Variants in WDTC1 observed in about 807,000 individuals in gnomAD.
WDTC1 encodes the protein WD and tetratricopeptide repeats protein 1.
WDTC1 carries 12 observed loss-of-function variants against 76.0 expected under a neutral mutation model. That is an observed-to-expected ratio of 0.16 (90% CI 0.10 to 0.26). The LOEUF (loss-of-function observed/expected upper bound fraction) is 0.26. Ranked by LOEUF, WDTC1 falls within the 10% of genes least tolerant of loss-of-function variation. The pLI, the probability that WDTC1 is intolerant of heterozygous loss-of-function variation, is 1.00. For missense variants in WDTC1, 511 were observed against 908.8 expected (o/e 0.56, Z 5.63); for synonymous variants, 326 against 350.8 (o/e 0.93, Z 0.79).
At chr1:27,282,413 CCGTTCTT>C in intron 4 of WDTC1, 128 bp downstream of exon 4, 1 of 845,724 alleles carries the variant, frequency 1.2e-6, no homozygotes, top group South Asian at 1.7e-5. Context: ...CTGCTGTCTG[CCGTTCTT>C]CAGCTTAGCC....
intron 1 of WDTC1, among the ~76,000 whole-genome samples, chr1:27,239,517 C>CAAAA (rs1165446864): frequency 4.9e-5 from 2 of 40,572 alleles, no homozygotes; most frequent in East Asian, 9.0e-4. Context: ...GACCCTGTCT[C>CAAAA]AAAAAAAAAA....
In WDTC1 at chr1:27,305,254, C is replaced by A. The variant is rs949053444; in HGVS notation, c.1836+61C>A. The stretch of plus-strand genomic sequence containing the variant: ...GACTCTGTGGAAGGCTCCAGTGGAG[C>A]CTGCTAGCGCAGGGAAGAGAAATGA... On this transcript the variant is annotated intron_variant, in intron 15 of 15. Transcript: ENST00000319394. This position sits in a 1 kb window ranked among gnomAD's most constrained non-coding sequence, Gnocchi z 4.6. The A allele has an allele frequency of 1.3e-6, 2 of 1,549,788 alleles. No homozygotes were observed. Among genetic ancestry groups the A allele is most frequent in the African/African-American group, 1.4e-5 (1 of 73,104 alleles).
chr1:27,285,316 C>T (rs2013301345), intron 5 of WDTC1, among the ~76,000 whole-genome samples: 1 of 151,872 alleles, frequency 6.6e-6, no homozygotes, highest in African/African-American at 2.4e-5. Context: ...GGATTACAGG[C>T]ATGAGCCACA....
chr1:27,241,913 TGA>T (rs1169996073), intron 1 of WDTC1, among the ~76,000 whole-genome samples: 1 of 151,656 alleles, frequency 6.6e-6, no homozygotes, highest in Non-Finnish European at 1.5e-5. Flanking sequence ...TTTTTTTTTT[TGA>T]GAGTCTCGCT....
intron 1 of WDTC1, among the ~76,000 whole-genome samples, chr1:27,248,815 G>T (rs1173169062): frequency 6.6e-6 from 1 of 151,932 alleles, no homozygotes; most frequent in Non-Finnish European, 1.5e-5. Flanking sequence ...GTGCCACCAC[G>T]CCCAGCTAAT....
chr1:27,258,542 G>GA (rs1447662816), intron 1 of WDTC1, among the ~76,000 whole-genome samples: 89 of 64,362 alleles, frequency 1.4e-3, no homozygotes, highest in East Asian at 4.7e-3. Context: ...AAAAAAAAAA[G>GA]AAAAAAAAAG....
chr1:27,281,003 T>C (rs1302497887), intron 3 of WDTC1, among the ~76,000 whole-genome samples: 1 of 152,142 alleles, frequency 6.6e-6, no homozygotes, highest in African/African-American at 2.4e-5. Flanking sequence ...AGTCTCTCTC[T>C]CTTTTTTTTC....
At chr1:27,253,264 C>T (rs2012144200) in intron 1 of WDTC1, among the ~76,000 whole-genome samples, 1 of 152,024 alleles carries the variant, frequency 6.6e-6, no homozygotes, top group Non-Finnish European at 1.5e-5. Flanking sequence ...ATCTGCCCAC[C>T]TTGGCCTTCC....
Position 27,306,636 on chromosome 1 carries a change from C to CA in WDTC1, c.*253_*254insA. On this transcript the variant is annotated 3_prime_UTR_variant, in exon 16 of 16. Transcript: ENST00000319394. This position sits in a 1 kb window ranked among gnomAD's most constrained non-coding sequence, Gnocchi z 5.0. ...AGGGGACACCCCTCCATATGCCCCC[C>CA]CCCATCTCCTGCTTTCATGTCCCTG... 3 of 546,874 alleles carry CA rather than the reference C, an allele frequency of 5.5e-6. No individual in the cohort carries two copies. The highest frequency in any genetic ancestry group is 6.5e-6 in the Non-Finnish European group (2 of 305,598). The allele number at this position is 546,874 out of a possible 1,614,324, so 33.9% of individuals were successfully genotyped here. A position where few individuals can be genotyped will look rare whatever the true frequency, so the allele number is the denominator to read the frequency against.
chr1:27,296,435 G>T (rs778071607), intron 10 of WDTC1, 34 bp downstream of exon 10: 1 of 1,610,490 alleles, frequency 6.2e-7, no homozygotes, highest in South Asian at 1.1e-5. Flanking sequence ...CTACTGCGGC[G>T]GTGTAGGGGA....
chr1:27,263,337 T>C lies in WDTC1; in HGVS notation c.132+102T>C, dbSNP rs2012545276. On this transcript the variant is annotated intron_variant, in intron 3 of 15. Transcript: ENST00000319394. The stretch of plus-strand genomic sequence containing the variant: ...ATCAAGGCATAAACAAGTGTTTCTC[T>C]GCAGGCCATATCTGACAGTTACTTC... 10 of 1,125,182 alleles carry C rather than the reference T, an allele frequency of 8.9e-6. No homozygotes were observed. The East Asian group carries it at 2.5e-4, about 29-fold the overall frequency. The allele number at this position is 1,125,182 out of a possible 1,614,324, so 69.7% of individuals were successfully genotyped here. A position where few individuals can be genotyped will look rare whatever the true frequency, so the allele number is the denominator to read the frequency against.
intron 1 of WDTC1, among the ~76,000 whole-genome samples, chr1:27,256,946 C>T (rs2012302181): frequency 6.6e-6 from 1 of 152,166 alleles, no homozygotes; most frequent in South Asian, 2.1e-4. Context: ...ACTGCAAGCT[C>T]CGTCTCCCGG....
chr1:27,254,647 T>C (rs183360891), intron 1 of WDTC1, among the ~76,000 whole-genome samples: 3 of 152,102 alleles, frequency 2.0e-5, no homozygotes, highest in African/African-American at 7.2e-5. Context: ...TTGACTTTTT[T>C]TTTGAGACGG....
chr1:27,248,669 A>AT (rs1367888561), intron 1 of WDTC1, among the ~76,000 whole-genome samples: 36 of 151,250 alleles, frequency 2.4e-4, no homozygotes, highest in Admixed American at 1.3e-3. Context: ...TTTTATTATT[A>AT]TTTTTTTTTA....
At chr1:27,269,403 A>G (rs1570958915) in intron 3 of WDTC1, among the ~76,000 whole-genome samples, 2 of 151,172 alleles carry the variant, frequency 1.3e-5, no homozygotes, top group African/African-American at 4.9e-5. Context: ...GGCAAGAGAG[A>G]ATAGAGAATA....
At chr1:27,268,129 G>A (rs1234637480) in intron 3 of WDTC1, among the ~76,000 whole-genome samples, 1 of 152,032 alleles carries the variant, frequency 6.6e-6, no homozygotes, top group Non-Finnish European at 1.5e-5. Context: ...AAACCCCAAT[G>A]TGTTCATCAT....
chr1:27,283,538 T>A, intron 5 of WDTC1, 89 bp downstream of exon 5: 2 of 1,169,944 alleles, frequency 1.7e-6, no homozygotes, highest in Non-Finnish European at 2.5e-6. Context: ...GGTATGTGTG[T>A]GTCCCATATA....
intron 12 of WDTC1, among the ~76,000 whole-genome samples, chr1:27,298,752 C>A (rs532095286): frequency 8.3e-4 from 120 of 143,990 alleles, no homozygotes; most frequent in South Asian, 1.5e-3. Flanking sequence ...GACATGCAGA[C>A]CCCGCCCCCC....
chr1:27,301,155 A>T lies in WDTC1; in HGVS notation c.1233-71A>T, dbSNP rs2013822210. 2.2e-6 allele frequency: 3 copies of T among 1,390,122 alleles called. No individual in the cohort carries two copies. The allele number at this position is 1,390,122 out of a possible 1,614,324, so 86.1% of individuals were successfully genotyped here. ...GGGCTGGGGTGGCCACAGGAAGCAGAGGAGACTGAATGGGGACCCCTTGCT... is the reference window on the plus strand; with the variant it reads ...GGGCTGGGGTGGCCACAGGAAGCAGTGGAGACTGAATGGGGACCCCTTGCT... On this transcript the variant is annotated intron_variant, in intron 12 of 15. Transcript: ENST00000319394. This position sits in a 1 kb window ranked among gnomAD's most constrained non-coding sequence, Gnocchi z 5.8.
Sources: allele counts gnomAD v4.1 joint callset (sites outside exome capture counted in the v4.1 genomes callset), GRCh38; gene constraint gnomAD v4.1.1; non-coding constraint Gnocchi (gnomAD v3.1); transcripts MANE v1.5; gene names NCBI Gene and HGNC (gene_info 2026-07-23, HGNC 2026-07-21).